AFG3L2: variants seen among roughly 807,000 people sequenced by gnomAD.
AFG3L2 encodes the protein mitochondrial inner membrane m-AAA protease component AFG3L2.
A neutral mutation model predicts 94.5 loss-of-function variants in AFG3L2; 54 were observed. The observed-to-expected ratio is 0.57, with a 90% CI of 0.46 to 0.72. AFG3L2 has a LOEUF of 0.72. Among genes scored for constraint, AFG3L2 ranks in the 30% least tolerant of loss-of-function variants. The pLI, the probability that AFG3L2 is intolerant of heterozygous loss-of-function variation, is 0.00. For synonymous variants in AFG3L2, 377 were observed against 365.5 expected (o/e 1.03, Z -0.36); for missense variants, 754 against 994.9 (o/e 0.76, Z 3.26).
intron 13 of AFG3L2, chr18:12,344,462 G>A: frequency 1.9e-6 from 1 of 527,444 alleles, no homozygotes. Flanking sequence ...ATCACTTGAG[G>A]TGAGGAGTTC....
chr18:12,359,086 T>G, intron 7 of AFG3L2, 143 bp from the exon 8 acceptor site: 2 of 1,257,862 alleles, frequency 1.6e-6, no homozygotes, highest in African/African-American at 3.0e-5. Context: ...AACTTGCAAG[T>G]GTTCTTCAAA....
intron 9 of AFG3L2, among the ~76,000 whole-genome samples, chr18:12,354,195 C>T (rs1448478262): frequency 7.4e-6 from 1 of 135,832 alleles, no homozygotes; most frequent in East Asian, 2.4e-4. Context: ...TCTGGATGTT[C>T]ATTCCTACAC....
In AFG3L2 at chr18:12,371,666, G is replaced by C. The variant is rs746661712; in HGVS notation, c.140C>G (p.Ala47Gly). The stretch of plus-strand genomic sequence containing the variant: ...CAAAAGAGAATTTCTGCTGGCCCTT[G>C]CTTGAGTTGTAACAAATCGGTAAAG... ...RTLYRFVTTQ[A>G]RASRNSLLTD... is the part of the protein sequence containing the mutation. The change falls in exon 2 of 17, where the codon GCA becomes GGA. Residue 47 changes from alanine to glycine, a missense_variant. Physicochemically the swap from Ala to Gly is moderately conservative, Grantham distance 60. This residue lies in a region of AFG3L2 where 236 missense variants were observed against 214.0 expected (regional missense o/e 1.10). Coordinates refer to ENST00000269143, the MANE Select transcript of AFG3L2 (RefSeq NM_006796.3). 7 of 1,614,018 alleles carry C rather than the reference G, an allele frequency of 4.3e-6. No homozygotes were observed. In the South Asian group the frequency reaches 7.7e-5, roughly 18 times the overall value.
chr18:12,363,379 G>A (rs1908717005), intron 6 of AFG3L2, among the ~76,000 whole-genome samples: 1 of 152,176 alleles, frequency 6.6e-6, no homozygotes, highest in Admixed American at 6.5e-5. Context: ...AAATGGTTGG[G>A]AGATGGTGGG....
Position 12,370,906 on chromosome 18 carries a change from T to C in AFG3L2, c.235A>G (p.Asn79Asp), listed in dbSNP as rs1354961036. Reference protein sequence around the residue: ...PPKGFEKYFPNGKNGKKASEP... With the variant: ...PPKGFEKYFPDGKNGKKASEP... ...CTAGCTTTTTTTCCATTTTTTCCAT[T>C]AGGAAAGTATTTTTCAAATCCTGTT... Residue 79 changes from asparagine (N) to aspartate (D), a missense_variant, in exon 3 of 17, where the codon AAT becomes GAT. Around this residue, in one of 4 missense-constraint regions of AFG3L2, gnomAD observed 236 missense variants for 214.0 expected, o/e 1.10. Coordinates refer to ENST00000269143, the MANE Select transcript of AFG3L2 (RefSeq NM_006796.3). 1.3e-6 allele frequency: 2 copies of C among 1,571,070 alleles called. No homozygotes were observed. Among genetic ancestry groups the C allele is most frequent in the East Asian group, 2.2e-5 (1 of 44,628 alleles).
At chr18:12,370,459 CTTTCTTTTTTTTTTTTT>C (rs1455963859) in intron 3 of AFG3L2, among the ~76,000 whole-genome samples, 2 of 141,470 alleles carry the variant, frequency 1.4e-5, no homozygotes, top group African/African-American at 2.8e-5. Context: ...CTTACTATAA[CTTTCTTTTTTTTTTTTT>C]TTTCTTTTTT....
chr18:12,363,454 T>C (rs545173166), intron 6 of AFG3L2, among the ~76,000 whole-genome samples: 2 of 152,344 alleles, frequency 1.3e-5, no homozygotes, highest in South Asian at 4.1e-4. Context: ...TTTAATTTTT[T>C]TTCCTAATCA....
At chr18:12,343,622 C>T in intron 14 of AFG3L2, 1 of 163,244 alleles carries the variant, frequency 6.1e-6, no homozygotes, top group Non-Finnish European at 1.4e-5. Context: ...TCTGGGATTG[C>T]CACTGTGCAT....
Position 12,329,254 on chromosome 18 carries a change from G to A in AFG3L2, c.*311C>T, listed in dbSNP as rs79884272. On this transcript the variant is annotated 3_prime_UTR_variant, in exon 17 of 17. Coordinates refer to ENST00000269143, the MANE Select transcript of AFG3L2 (RefSeq NM_006796.3). ...TCCAGTGCAACGATCCCTGCCACACGGTCAGCCGACCCCACTTGGTGCCAC... is the reference window on the plus strand; with the variant it reads ...TCCAGTGCAACGATCCCTGCCACACAGTCAGCCGACCCCACTTGGTGCCAC... 4.6e-3 allele frequency: 3,240 copies of A among 701,272 alleles called. 63 individuals carry two copies. In the African/African-American group the frequency reaches 0.049, roughly 11 times the overall value. The allele number at this position is 701,272 out of a possible 1,614,324, so 43.4% of individuals were successfully genotyped here.
At position 12,360,305 on chromosome 18, in the gene AFG3L2, A is replaced by C. The variant is rs147241937; in HGVS notation, c.628-254T>G. On this transcript the variant is annotated intron_variant, in intron 6 of 16. Transcript: ENST00000269143. ...GTGGCTCTAAAATTATAAACTCAAAAAACAGAATGAAAAACCTATTTGAAA... is the reference window on the plus strand; with the variant it reads ...GTGGCTCTAAAATTATAAACTCAAACAACAGAATGAAAAACCTATTTGAAA... 181 of 440,428 alleles carry C rather than the reference A, an allele frequency of 4.1e-4. 1 individual carries two copies. Among genetic ancestry groups the C allele is most frequent in the African/African-American group, 3.4e-3 (170 of 49,672 alleles). The allele number at this position is 440,428 out of a possible 1,614,324, so 27.3% of individuals were successfully genotyped here.
At position 12,353,141 on chromosome 18, in the gene AFG3L2, G is replaced by A. The variant is rs1423275210; in HGVS notation, c.1182C>T (p.Ala394=). Residue 394 remains alanine, a synonymous_variant, in exon 10 of 17, where the codon GCC becomes GCT. Transcript: ENST00000269143. ...TGCAAGGGGCATTCTTCCGAGCAAG[G>A]GCAAATAAGTCTCGGACCTTGGCAA... is the stretch of plus-strand genomic sequence containing the variant. ...VGPARVRDLF[A]LARKNAPCIL... 1.2e-6 allele frequency: 2 copies of A among 1,613,950 alleles called. No homozygotes were observed. Among genetic ancestry groups the A allele is most frequent in the Admixed American group, 3.3e-5 (2 of 59,994 alleles).
chr18:12,341,503 A>C (rs1373208311), intron 14 of AFG3L2: 2 of 152,114 alleles, frequency 1.3e-5, no homozygotes, highest in Non-Finnish European at 2.9e-5. Flanking sequence ...TAGCTTCTAG[A>C]ATTGCAAATA....
In AFG3L2 at chr18:12,329,535, GAC is replaced by G; in HGVS notation, c.*28_*29del. On this transcript the variant is annotated 3_prime_UTR_variant, in exon 17 of 17. Coordinates refer to ENST00000269143, the MANE Select transcript of AFG3L2 (RefSeq NM_006796.3). ...TAATGCACCAGCTGAAACCACAGTG[GAC>G]AGACTGAGATGGCCTCCCTCTGGGC... 1 of 1,599,642 alleles carries G rather than the reference GAC, an allele frequency of 6.3e-7. No individual in the cohort carries two copies. Among genetic ancestry groups the G allele is most frequent in the Non-Finnish European group, 8.6e-7 (1 of 1,167,930 alleles).
intron 9 of AFG3L2, among the ~76,000 whole-genome samples, chr18:12,356,153 ATTT>A (rs775634147): frequency 7.1e-6 from 1 of 141,420 alleles, no homozygotes. Flanking sequence ...ATAAAGCAAA[ATTT>A]TTTTTTTTTT....
chr18:12,339,098 CA>C (rs1262755875), intron 15 of AFG3L2, among the ~76,000 whole-genome samples: 1 of 151,242 alleles, frequency 6.6e-6, no homozygotes, highest in Non-Finnish European at 1.5e-5. Flanking sequence ...ACTAAAGATA[CA>C]AAAAATTAGC....
At chr18:12,348,004 C>G (rs1036503578) in intron 13 of AFG3L2, among the ~76,000 whole-genome samples, 1 of 152,164 alleles carries the variant, frequency 6.6e-6, no homozygotes, top group South Asian at 2.1e-4. Context: ...CCTGTGCAAG[C>G]AAAGCATTCG....
intron 12 of AFG3L2, among the ~76,000 whole-genome samples, chr18:12,349,632 A>G (rs1270883616): frequency 6.6e-6 from 1 of 152,170 alleles, no homozygotes; most frequent in East Asian, 1.9e-4. Context: ...TGTTAAGTGA[A>G]CATAAACCAG....
At chr18:12,350,440 G>A (rs1598828908) in intron 12 of AFG3L2, among the ~76,000 whole-genome samples, 1 of 132,600 alleles carries the variant, frequency 7.5e-6, no homozygotes, top group Middle Eastern at 3.5e-3. Flanking sequence ...AAACGCTTAG[G>A]AATAATTCCT....
chr18:12,376,908 C>T (rs1909176854), intron 1 of AFG3L2, 61 bp downstream of exon 1: 3 of 1,283,522 alleles, frequency 2.3e-6, no homozygotes, highest in African/African-American at 1.6e-5. Context: ...CGTCCGCTCT[C>T]CCGAGCCGGA....
Sources: gnomAD v4.1 joint callset for allele counts (sites outside exome capture counted in the v4.1 genomes callset) on GRCh38, gnomAD v4.1.1 for gene constraint, gnomAD v4.1.1 regional missense constraint, MANE v1.5 for transcripts, NCBI Gene and HGNC (gene_info 2026-07-23, HGNC 2026-07-21) for gene names.